Variants in SH3PXD2B observed in about 807,000 individuals in gnomAD.
SH3PXD2B encodes SH3 and PX domains 2B.
A neutral mutation model predicts 73.1 loss-of-function variants in SH3PXD2B; 37 were observed. That is an observed-to-expected ratio of 0.51 (90% CI 0.39 to 0.67). The LOEUF (loss-of-function observed/expected upper bound fraction) is 0.67, where lower values mean the gene tolerates loss of function less well. Ranked by LOEUF, SH3PXD2B falls within the 30% of genes least tolerant of loss-of-function variation. The pLI is 0.00. For synonymous variants in SH3PXD2B, 457 were observed against 480.5 expected (o/e 0.95, Z 0.64); for missense variants, 1,053 against 1,197.8 (o/e 0.88, Z 1.78).
rs575364184 is a variant in SH3PXD2B at position 172,394,710 on chromosome 5, T to C, written c.233-71A>G. 711 of 1,541,708 alleles carry C rather than the reference T, an allele frequency of 4.6e-4. 6 individuals are homozygous for C. The Middle Eastern group carries it at 6.5e-3, about 14-fold the overall frequency. On this transcript the variant is annotated intron_variant, in intron 3 of 12. Coordinates refer to ENST00000311601, the MANE Select transcript of SH3PXD2B (RefSeq NM_001017995.3). ...AAGCTCTCAGCAACCTGAGAGGGTG[T>C]GGACATGGCGGTTCCTAGGGTAGGT...
At chr5:172,394,742 G>T in intron 3 of SH3PXD2B, 103 bp from the exon 4 acceptor site, 1 of 1,241,088 alleles carries the variant, frequency 8.1e-7, no homozygotes, top group Non-Finnish European at 1.1e-6. Flanking sequence ...AGGTCTGAGT[G>T]GTGCCAAAAT....
intron 12 of SH3PXD2B, among the ~76,000 whole-genome samples, chr5:172,344,442 G>T (rs1423832549): frequency 6.6e-6 from 1 of 151,912 alleles, no homozygotes. Flanking sequence ...ACAAAAATCA[G>T]CCGGGCGTCA....
rs1756728703 is a variant in SH3PXD2B, at chr5:172,337,419, T to C, written c.*950A>G. The C allele has an allele frequency of 2.0e-6, 2 of 980,438 alleles. No homozygotes were observed. The highest frequency in any genetic ancestry group is 1.8e-5 in the African/African-American group (1 of 57,100). 60.7% of individuals were successfully genotyped at this position (980,438 alleles called of 1,614,324 possible). On this transcript the variant is annotated 3_prime_UTR_variant, in exon 13 of 13. Coordinates refer to ENST00000311601, the MANE Select transcript of SH3PXD2B (RefSeq NM_001017995.3). Reference sequence around the variant, plus strand: ...TCCTTGGGCACATGGAGCGTGAATTTCCTCATCTATAAAGGGAGGTTGTGA... The same window carrying C: ...TCCTTGGGCACATGGAGCGTGAATTCCCTCATCTATAAAGGGAGGTTGTGA...
intron 7 of SH3PXD2B, among the ~76,000 whole-genome samples, chr5:172,362,355 G>A (rs546351782): frequency 2.0e-5 from 3 of 152,258 alleles, no homozygotes; most frequent in Non-Finnish European, 2.9e-5. Context: ...CAGGGAATGC[G>A]CCTGTCCCAT....
At chr5:172,413,791 A>G (rs1276975798) in intron 2 of SH3PXD2B, among the ~76,000 whole-genome samples, 2 of 152,264 alleles carry the variant, frequency 1.3e-5, no homozygotes, top group Non-Finnish European at 2.9e-5. Flanking sequence ...TTTAGTGGGA[A>G]GGGAAAACTA....
At chr5:172,429,661 C>T (rs1759185867) in intron 1 of SH3PXD2B, among the ~76,000 whole-genome samples, 1 of 152,104 alleles carries the variant, frequency 6.6e-6, no homozygotes, top group Admixed American at 6.6e-5. Context: ...AGCCAGGATC[C>T]TTTTGCAGGT....
intron 1 of SH3PXD2B, among the ~76,000 whole-genome samples, chr5:172,437,182 A>G (rs1481844530): frequency 6.6e-6 from 1 of 152,108 alleles, no homozygotes; most frequent in African/African-American, 2.4e-5. Flanking sequence ...ATGGAGAGCG[A>G]GGAGAGGGCA....
intron 12 of SH3PXD2B, among the ~76,000 whole-genome samples, chr5:172,327,760 T>G (rs1268774384): frequency 9.4e-4 from 25 of 26,550 alleles, no homozygotes; most frequent in South Asian, 0.013. Flanking sequence ...GGGTTTTTTT[T>G]TTTTTTTTTT....
At chr5:172,439,273 AAAC>A (rs1411483714) in intron 1 of SH3PXD2B, among the ~76,000 whole-genome samples, 21 of 53,504 alleles carry the variant, frequency 3.9e-4, no homozygotes, top group South Asian at 1.1e-3. Context: ...ACAAAAACAA[AAAC>A]AAAACAAAAA....
intron 1 of SH3PXD2B, among the ~76,000 whole-genome samples, chr5:172,422,802 G>A (rs1759003094): frequency 6.6e-6 from 1 of 152,232 alleles, no homozygotes. Flanking sequence ...TACCCGCTCA[G>A]TTCAGTGAGA....
intron 2 of SH3PXD2B, among the ~76,000 whole-genome samples, chr5:172,414,973 C>G (rs1327898074): frequency 2.0e-5 from 3 of 152,200 alleles, no homozygotes; most frequent in Admixed American, 6.5e-5. Flanking sequence ...GCTCAGATGT[C>G]ACCTCCTCCA....
chr5:172,374,198 T>C (rs1355661715), intron 5 of SH3PXD2B, among the ~76,000 whole-genome samples: 1 of 152,036 alleles, frequency 6.6e-6, no homozygotes, highest in Admixed American at 6.5e-5. Context: ...CCCTAAGCCA[T>C]AGACATGGGG....
intron 5 of SH3PXD2B, among the ~76,000 whole-genome samples, chr5:172,376,852 G>A (rs913813114): frequency 2.0e-5 from 3 of 152,222 alleles, no homozygotes; most frequent in Non-Finnish European, 2.9e-5. Context: ...GACGCCCAGA[G>A]AGGTGAGGTA....
intron 4 of SH3PXD2B, among the ~76,000 whole-genome samples, chr5:172,387,671 G>A (rs1758088881): frequency 6.6e-6 from 1 of 152,190 alleles, no homozygotes; most frequent in Non-Finnish European, 1.5e-5. Context: ...GGATTTCAAG[G>A]AGCTTCCAGA....
Position 172,337,918 on chromosome 5 carries a change from T to C in SH3PXD2B, c.*451A>G, listed in dbSNP as rs965992491. ...GGAGGAGTGAATAAAGCCACTGGGC[T>C]TTTAGAAACATGAAGAAGTTGGAGC... On this transcript the variant is annotated 3_prime_UTR_variant, in exon 13 of 13. Transcript: ENST00000311601. 6 of 1,034,862 alleles carry C rather than the reference T, an allele frequency of 5.8e-6. No homozygotes were observed. 64.1% of individuals were successfully genotyped at this position (1,034,862 alleles called of 1,614,324 possible).
At chr5:172,328,477 G>T (rs895540682) in intron 12 of SH3PXD2B, among the ~76,000 whole-genome samples, 8 of 152,138 alleles carry the variant, frequency 5.3e-5, no homozygotes, top group African/African-American at 1.7e-4. Flanking sequence ...GGGATTACAG[G>T]TGTTAGCCAC....
chr5:172,383,029 T>C (rs938147202), intron 4 of SH3PXD2B, among the ~76,000 whole-genome samples: 6 of 152,162 alleles, frequency 3.9e-5, no homozygotes, highest in Non-Finnish European at 7.3e-5. Flanking sequence ...TTTGAGCCAC[T>C]GCACCTGGCT....
chr5:172,453,707 G>A (rs932539475), intron 1 of SH3PXD2B, among the ~76,000 whole-genome samples: 1 of 152,234 alleles, frequency 6.6e-6, no homozygotes, highest in Non-Finnish European at 1.5e-5. Context: ...GAGAGAGGGG[G>A]CAGGGGATGT....
chr5:172,350,517 C>T lies in SH3PXD2B; in HGVS notation c.858G>A (p.Lys286=). The T allele has an allele frequency of 6.2e-7, 1 of 1,614,086 alleles. No individual in the cohort carries two copies. Among genetic ancestry groups the T allele is most frequent in the Non-Finnish European group, 8.5e-7 (1 of 1,179,990 alleles). ...GGTGGGAGGGTGAGCCAGGGCCTGG[C>T]TTCGGGGGCAAGGGCTCCCCACTGT... The part of the protein sequence containing the change: ...KKNSGEPLPP[K]PGPGSPSHPG... The change falls in exon 10 of 13, where the codon AAG becomes AAA. Residue 286 remains lysine (K), a synonymous_variant. Transcript: ENST00000311601.
Sources: allele counts gnomAD v4.1 joint callset (sites outside exome capture counted in the v4.1 genomes callset), GRCh38; gene constraint gnomAD v4.1.1; transcripts MANE v1.5; gene names NCBI Gene and HGNC (gene_info 2026-07-23, HGNC 2026-07-21).